The following TNS1 variants were observed in gnomAD, a reference collection of about 807,000 sequenced individuals.
TNS1 encodes the protein tensin-1.
A neutral mutation model predicts 168.6 loss-of-function variants in TNS1; 62 were observed. That is an observed-to-expected ratio of 0.37 (90% CI 0.30 to 0.45). TNS1 has a LOEUF of 0.45. Among genes scored for constraint, TNS1 ranks in the 20% least tolerant of loss-of-function variants. The probability of loss-of-function intolerance (pLI) is 1.00; values close to 1 mark genes in which losing one functional copy is unlikely to be tolerated. For synonymous variants in TNS1, 934 were observed against 933.2 expected (o/e 1.00, Z -0.02); for missense variants, 2,240 against 2,339.4 (o/e 0.96, Z 0.88).
intron 1 of TNS1, among the ~76,000 whole-genome samples, chr2:217,999,769 C>T (rs913928055): frequency 1.2e-4 from 18 of 152,246 alleles, no homozygotes; most frequent in African/African-American, 2.4e-5. Flanking sequence ...AAAATGTGTG[C>T]TTAGCACTGG....
chr2:217,817,881 C>G lies in TNS1; in HGVS notation c.4451G>C (p.Gly1484Ala). The change falls in exon 24 of 33, where the codon GGG (glycine) becomes GCG (alanine). Residue 1484 changes from glycine (G) to alanine (A), a missense_variant. Physicochemically the swap from Gly to Ala is moderately conservative, Grantham distance 60 (BLOSUM62 0). This residue lies in a region of TNS1 where 2,131 missense variants were observed against 2,171.2 expected (regional missense o/e 0.98). Transcript: ENST00000682258. The stretch of plus-strand genomic sequence containing the variant: ...CTCTGGCAAGGCTGGTGTTGGGCTC[C>G]CTTGCCGGAAGGCTGCGGAGTCTGG... ...PSPDSAAFRQ[G>A]SPTPALPEKR... The G allele has an allele frequency of 7.4e-6, 12 of 1,614,116 alleles. No individual in the cohort carries two copies. The highest frequency in any genetic ancestry group is 1.0e-5 in the Non-Finnish European group (12 of 1,179,968).
chr2:217,841,848 C>T (rs1056892836), intron 19 of TNS1, among the ~76,000 whole-genome samples: 1 of 152,206 alleles, frequency 6.6e-6, no homozygotes, highest in Non-Finnish European at 1.5e-5. Flanking sequence ...TGGGGAACCC[C>T]TTGTGCTTTT....
chr2:217,850,329 G>A, intron 18 of TNS1: 1 of 985,318 alleles, frequency 1.0e-6, no homozygotes, highest in South Asian at 4.7e-5. Context: ...GGGGGTTCAG[G>A]GACTAGGGCA....
chr2:217,838,793 G>A (rs1945521000), intron 19 of TNS1, among the ~76,000 whole-genome samples: 1 of 152,198 alleles, frequency 6.6e-6, no homozygotes. Flanking sequence ...GGGGAGAGAA[G>A]AGAGCCCCAT....
intron 3 of TNS1, among the ~76,000 whole-genome samples, chr2:217,967,495 A>T (rs1559392581): frequency 2.0e-5 from 3 of 152,192 alleles, no homozygotes. Context: ...AAGAGGGGAC[A>T]TTACTACCAA....
chr2:217,885,209 G>A (rs1951079007), intron 15 of TNS1, 45 bp from the exon 16 acceptor site: 1 of 1,612,706 alleles, frequency 6.2e-7, no homozygotes, highest in African/African-American at 1.3e-5. Context: ...CTGAGGCTGG[G>A]AGGTCAGGTC....
At chr2:218,022,957 C>G (rs1428792827) in intron 1 of TNS1, among the ~76,000 whole-genome samples, 1 of 152,158 alleles carries the variant, frequency 6.6e-6, no homozygotes, top group Non-Finnish European at 1.5e-5. Flanking sequence ...CAGGGGGCAA[C>G]AGGCCCAACC....
chr2:217,921,670 A>C (rs775886163), intron 3 of TNS1, among the ~76,000 whole-genome samples: 6 of 152,196 alleles, frequency 3.9e-5, no homozygotes, highest in Admixed American at 6.5e-5. Flanking sequence ...GCCCAAATGG[A>C]GTCCTAGCAT....
In TNS1 at chr2:217,900,460, T is replaced by G; in HGVS notation, c.371+3A>C. 6.5e-7 allele frequency: 1 copy of G among 1,535,170 alleles called. No homozygotes were observed. Among genetic ancestry groups the G allele is most frequent in the Non-Finnish European group, 8.7e-7 (1 of 1,146,710 alleles). ...GCCCCCTGCCCCCACGGGCCAGGCA[T>G]ACCTGATGGGCTGGAGGTGGGGCTG... On this transcript the variant is annotated splice_donor_region_variant and intron_variant, in intron 7 of 32. Coordinates refer to ENST00000682258, the MANE Select transcript of TNS1 (RefSeq NM_001387777.1).
chr2:217,855,597 G>A (rs1411180625), intron 18 of TNS1, among the ~76,000 whole-genome samples: 1 of 151,888 alleles, frequency 6.6e-6, no homozygotes, highest in Non-Finnish European at 1.5e-5. Context: ...CCTAGGGCCG[G>A]TTCCCAGACG....
intron 19 of TNS1, among the ~76,000 whole-genome samples, chr2:217,844,545 T>C (rs1946391547): frequency 6.6e-6 from 1 of 152,214 alleles, no homozygotes; most frequent in African/African-American, 2.4e-5. Context: ...CTGTCTTCAC[T>C]GTGAACCCTC....
In TNS1 at chr2:217,813,362, C is replaced by T. The variant is rs1941323630; in HGVS notation, c.4862-55G>A. 2.2e-6 allele frequency: 3 copies of T among 1,388,446 alleles called. No homozygotes were observed. The highest frequency in any genetic ancestry group is 2.5e-5 in the East Asian group (1 of 40,214). The allele number at this position is 1,388,446 out of a possible 1,614,324, so 86.0% of individuals were successfully genotyped here. Reference sequence around the variant, plus strand: ...GTCCCTGCCCATGGCTTCCTCCCACCACCTCCCAAGACTGCTTCAAAACTT... The same window carrying T: ...GTCCCTGCCCATGGCTTCCTCCCACTACCTCCCAAGACTGCTTCAAAACTT... On this transcript the variant is annotated intron_variant, in intron 26 of 32. Transcript: ENST00000682258. The surrounding 1 kb of genome is among the most constrained non-coding windows in gnomAD (Gnocchi z 4.0).
chr2:218,010,946 C>T (rs1958700607), upstream of TNS1, among the ~76,000 whole-genome samples: 1 of 152,196 alleles, frequency 6.6e-6, no homozygotes, highest in African/African-American at 2.4e-5. Context: ...TGACCCTGGC[C>T]ACACACTCCG....
At chr2:217,843,966 C>T (rs889122998) in intron 19 of TNS1, among the ~76,000 whole-genome samples, 1 of 152,156 alleles carries the variant, frequency 6.6e-6, no homozygotes, top group African/African-American at 2.4e-5. Context: ...ATATGTCTCT[C>T]CCTGGAGGCT....
intron 3 of TNS1, among the ~76,000 whole-genome samples, chr2:217,950,138 G>A (rs995282792): frequency 6.6e-6 from 1 of 152,194 alleles, no homozygotes; most frequent in African/African-American, 2.4e-5. Flanking sequence ...GAGGACAGCA[G>A]TAGACACTCA....
intron 4 of TNS1, among the ~76,000 whole-genome samples, chr2:217,912,714 T>C (rs921791659): frequency 6.6e-6 from 1 of 152,134 alleles, no homozygotes; most frequent in African/African-American, 2.4e-5. Flanking sequence ...ACTTGGAGCA[T>C]GGCAGGCTGT....
At chr2:218,003,716 G>C (rs772907722), upstream of TNS1, among the ~76,000 whole-genome samples, 1 of 151,426 alleles carries the variant, frequency 6.6e-6, no homozygotes, top group Non-Finnish European at 1.5e-5. Flanking sequence ...CCAGGCTCCC[G>C]CGAGAGTGTG....
At position 217,813,141 on chromosome 2, in the gene TNS1, G is replaced by C; in HGVS notation, c.4954+74C>G. 1 of 1,115,018 alleles carries C rather than the reference G, an allele frequency of 9.0e-7. No homozygotes were observed. The highest frequency in any genetic ancestry group is 1.3e-6 in the Non-Finnish European group (1 of 750,620). 69.1% of individuals were successfully genotyped at this position (1,115,018 alleles called of 1,614,324 possible). On this transcript the variant is annotated intron_variant, in intron 27 of 32. Coordinates refer to ENST00000682258, the MANE Select transcript of TNS1 (RefSeq NM_001387777.1). The surrounding 1 kb of genome is among the most constrained non-coding windows in gnomAD (Gnocchi z 4.0). ...GCCTGTCAGAAAGAACTTGGGGTCAGACCCCTGGAGGAACCCAGGACAGGA... is the reference window on the plus strand; with the variant it reads ...GCCTGTCAGAAAGAACTTGGGGTCACACCCCTGGAGGAACCCAGGACAGGA...
chr2:217,966,230 C>T (rs1184968560), intron 3 of TNS1, among the ~76,000 whole-genome samples: 2 of 151,780 alleles, frequency 1.3e-5, no homozygotes, highest in Non-Finnish European at 2.9e-5. Context: ...GTCTCTTCAC[C>T]CCCAGCCTTG....
Sources: allele counts gnomAD v4.1 joint callset (sites outside exome capture counted in the v4.1 genomes callset), GRCh38; gene constraint gnomAD v4.1.1; regional missense constraint gnomAD v4.1.1; non-coding constraint Gnocchi (gnomAD v3.1); transcripts MANE v1.5; gene names NCBI Gene and HGNC (gene_info 2026-07-23, HGNC 2026-07-21).